Variants in ZNF385D observed in about 807,000 individuals in gnomAD.
ZNF385D encodes the protein zinc finger protein 385D.
Under a neutral mutation model 35.8 loss-of-function variants are expected in ZNF385D, and 15 were observed. The observed-to-expected ratio is 0.42, with a 90% CI of 0.28 to 0.64. The LOEUF (loss-of-function observed/expected upper bound fraction) is 0.64, where lower values mean the gene tolerates loss of function less well. Ranked by LOEUF, ZNF385D falls within the 30% of genes least tolerant of loss-of-function variation. ZNF385D has a pLI of 0.23. For missense variants in ZNF385D, 474 were observed against 494.6 expected (o/e 0.96, Z 0.39); for synonymous variants, 212 against 186.8 (o/e 1.13, Z -1.10).
chr3:21,888,891 A>G (rs1698691471), intron 3 of ZNF385D, among the ~76,000 whole-genome samples: 1 of 152,238 alleles, frequency 6.6e-6, no homozygotes, highest in African/African-American at 2.4e-5. Context: ...ACAGCCAGTG[A>G]CTTGCTCAAA....
chr3:22,370,744 C>T (rs1696865350), intron 2 of ZNF385D, among the ~76,000 whole-genome samples: 1 of 152,128 alleles, frequency 6.6e-6, no homozygotes, highest in Non-Finnish European at 1.5e-5. Flanking sequence ...ATGGTAACAA[C>T]GCCACCTTCT....
At chr3:21,522,156 T>G (rs1159330249) in intron 3 of ZNF385D, among the ~76,000 whole-genome samples, 1 of 152,148 alleles carries the variant, frequency 6.6e-6, no homozygotes, top group East Asian at 1.9e-4. Context: ...AAGAAAAAAA[T>G]GTTTTTAATA....
At chr3:22,039,043 A>G (rs77173811) in intron 3 of ZNF385D, among the ~76,000 whole-genome samples, 1,793 of 151,882 alleles carry the variant, frequency 0.012, 40 homozygotes, top group African/African-American at 0.041. Flanking sequence ...TGAAGAAGCT[A>G]TGGGCTCTCA....
intron 3 of ZNF385D, among the ~76,000 whole-genome samples, chr3:21,835,057 C>T (rs1695243224): frequency 6.6e-6 from 1 of 152,026 alleles, no homozygotes. Flanking sequence ...ACAGCTCTAG[C>T]CCTAAATAAA....
intron 2 of ZNF385D, among the ~76,000 whole-genome samples, chr3:21,636,378 TTATATATATATATATA>T (rs1183440640): frequency 2.1e-5 from 1 of 47,984 alleles, no homozygotes; most frequent in Non-Finnish European, 3.6e-5. Flanking sequence ...ATATATATGA[TTATATATATATATATA>T]TATATATATA....
chr3:22,076,369 A>C (rs1275153340), intron 3 of ZNF385D, among the ~76,000 whole-genome samples: 1 of 151,836 alleles, frequency 6.6e-6, no homozygotes, highest in Non-Finnish European at 1.5e-5. Context: ...AGTTATCCAT[A>C]TGAATATTTC....
intron 3 of ZNF385D, among the ~76,000 whole-genome samples, chr3:21,975,273 G>A (rs1189444490): frequency 6.6e-6 from 1 of 152,070 alleles, no homozygotes; most frequent in East Asian, 1.9e-4. Flanking sequence ...GGATGGAACT[G>A]GAAGATATGT....
chr3:22,330,128 G>A (rs566836232), intron 2 of ZNF385D, among the ~76,000 whole-genome samples: 3 of 152,052 alleles, frequency 2.0e-5, no homozygotes, highest in South Asian at 2.1e-4. Context: ...TTTTCATTTC[G>A]ATGAGTACAT....
At chr3:21,939,487 C>A (rs896191540) in intron 3 of ZNF385D, among the ~76,000 whole-genome samples, 24 of 150,374 alleles carry the variant, frequency 1.6e-4, no homozygotes, top group African/African-American at 3.6e-4. Context: ...ACAAAAAAAA[C>A]CATCCACCAA....
At chr3:21,956,504 A>T (rs1191062527) in intron 3 of ZNF385D, among the ~76,000 whole-genome samples, 4 of 152,040 alleles carry the variant, frequency 2.6e-5, no homozygotes, top group Non-Finnish European at 5.9e-5. Context: ...GACAACTAAG[A>T]GGTAACCTTG....
intron 1 of ZNF385D, among the ~76,000 whole-genome samples, chr3:21,734,931 T>C (rs1175459707): frequency 2.1e-5 from 3 of 146,258 alleles, no homozygotes; most frequent in African/African-American, 5.0e-5. Context: ...CAGTGAGGAA[T>C]GGAATGAGGG....
chr3:21,844,597 ATGT>A lies in ZNF385D; in HGVS notation c.326-179572_326-179570del, dbSNP rs1405292910. ...ATAAATCACCAAACCAAAAGGAAAG[ATGT>A]TAAGTTTTGCATGGTAAACATTCAA... is the stretch of plus-strand genomic sequence containing the variant. On this transcript the variant is annotated intron_variant, in intron 3 of 5. Transcript: ENST00000494108. Among the ~76,000 whole-genome samples the A allele has an allele frequency of 8.0e-4, 121 of 152,130 alleles. 1 individual carries two copies. The highest frequency in any genetic ancestry group is 6.2e-4 in the Non-Finnish European group (42 of 67,938).
At chr3:21,770,937 T>C (rs935759425) in intron 3 of ZNF385D, among the ~76,000 whole-genome samples, 1 of 151,968 alleles carries the variant, frequency 6.6e-6, no homozygotes, top group African/African-American at 2.4e-5. Context: ...ATGTCCTTTG[T>C]AGGGACATGG....
intron 3 of ZNF385D, among the ~76,000 whole-genome samples, chr3:21,797,972 C>A (rs2072228174): frequency 6.6e-6 from 1 of 152,096 alleles, no homozygotes; most frequent in Non-Finnish European, 1.5e-5. Flanking sequence ...TGTATTCAAA[C>A]CCATAAAATG....
chr3:21,666,121 G>A (rs370912667), intron 1 of ZNF385D, among the ~76,000 whole-genome samples: 2 of 152,294 alleles, frequency 1.3e-5, no homozygotes, highest in East Asian at 3.9e-4. Context: ...GAGTCTCCTC[G>A]TATAAATTGC....
intron 2 of ZNF385D, among the ~76,000 whole-genome samples, chr3:21,658,856 C>A (rs186278806): frequency 1.1e-3 from 174 of 152,098 alleles, no homozygotes; most frequent in African/African-American, 3.8e-3. Flanking sequence ...TTTAACTACT[C>A]CACCCCATTT....
Position 22,270,360 on chromosome 3 carries a change from T to C in ZNF385D, c.107-101325A>G, listed in dbSNP as rs1048035619. Among the ~76,000 whole-genome samples the C allele has an allele frequency of 3.3e-5, 5 of 152,116 alleles. No homozygotes were observed. In the South Asian group the frequency reaches 1.0e-3, roughly 31 times the overall value. Reference sequence around the variant, plus strand: ...CAACAGGGTTTTCATATACAGCTTTTGACCCTCATTTTGATAATAGAGAAG... The same window carrying C: ...CAACAGGGTTTTCATATACAGCTTTCGACCCTCATTTTGATAATAGAGAAG... On this transcript the variant is annotated intron_variant, in intron 2 of 5. Coordinates refer to the ZNF385D transcript ENST00000494108.
chr3:21,628,533 A>T, intron 2 of ZNF385D, among the ~76,000 whole-genome samples: 1 of 152,142 alleles, frequency 6.6e-6, no homozygotes, highest in South Asian at 2.1e-4. Flanking sequence ...AGGTAAGAAA[A>T]AAAAGGTAGT....
chr3:22,198,743 T>C (rs1262705077), intron 2 of ZNF385D, among the ~76,000 whole-genome samples: 1 of 152,082 alleles, frequency 6.6e-6, no homozygotes, highest in Admixed American at 6.6e-5. Flanking sequence ...ACATTCACTA[T>C]AAAATTAAAC....
Sources: allele counts gnomAD v4.1 joint callset (sites outside exome capture counted in the v4.1 genomes callset), GRCh38; gene constraint gnomAD v4.1.1; transcripts MANE v1.5; gene names NCBI Gene and HGNC (gene_info 2026-07-23, HGNC 2026-07-21).